The following ZNF398 variants were observed in gnomAD, a reference collection of about 807,000 sequenced individuals.
ZNF398 encodes zinc finger protein 398.
ZNF398 carries 18 observed loss-of-function variants against 41.9 expected under a neutral mutation model. The observed-to-expected ratio is 0.43, with a 90% CI of 0.30 to 0.64. The LOEUF (loss-of-function observed/expected upper bound fraction) is 0.64. Ranked by LOEUF, ZNF398 falls within the 30% of genes least tolerant of loss-of-function variation. The pLI, the probability that ZNF398 is intolerant of heterozygous loss-of-function variation, is 0.14. For missense variants in ZNF398, 669 were observed against 822.8 expected (o/e 0.81, Z 2.29); for synonymous variants, 260 against 308.8 (o/e 0.84, Z 1.66).
rs1204360454 is a variant in ZNF398 at position 149,183,024 on chromosome 7, T to TA, written c.*3241dup. Among the ~76,000 whole-genome samples, 96,113 of 125,334 alleles carry TA rather than the reference T, an allele frequency of 0.77. 37,775 individuals carry two copies. Among genetic ancestry groups the TA allele is most frequent in the East Asian group, 0.92 (3,875 of 4,216 alleles). 82.2% of individuals were successfully genotyped at this position (125,334 alleles called of 152,430 possible). A position where few individuals can be genotyped will look rare whatever the true frequency, so the allele number is the denominator to read the frequency against. ...CAGTCCACACAAGCCTCGTTGATAT[T>TA]AAAAAAAAAAAAAAAAAAGGACCTC... On this transcript the variant is annotated 3_prime_UTR_variant, in exon 6 of 6. Transcript: ENST00000475153.
Position 149,134,064 on chromosome 7 carries a change from CTTTT to C in ZNF398, c.-490+5134_-490+5137del, listed in dbSNP as rs143211105. Among the ~76,000 whole-genome samples the C allele has an allele frequency of 1.2e-3, 152 of 128,500 alleles. 1 individual carries two copies. Among genetic ancestry groups the C allele is most frequent in the Non-Finnish European group, 1.5e-3 (93 of 61,870 alleles). 84.3% of individuals were successfully genotyped at this position (128,500 alleles called of 152,430 possible). A position where few individuals can be genotyped will look rare whatever the true frequency, so the allele number is the denominator to read the frequency against. ...CCGTGCTTGGCCATGCTGTTTTTGT[CTTTT>C]TTTTTTTTTTTTTGAGACGGAGTTT... is the stretch of plus-strand genomic sequence containing the variant. On this transcript the variant is annotated intron_variant, in intron 2 of 6. Transcript: ENST00000426851.
At chr7:149,129,892 C>A (rs1826563490) in intron 2 of ZNF398, among the ~76,000 whole-genome samples, 1 of 151,862 alleles carries the variant, frequency 6.6e-6, no homozygotes, top group Non-Finnish European at 1.5e-5. Flanking sequence ...CCTCCGCCTC[C>A]CAGGTTCAAG....
intron 4 of ZNF398, among the ~76,000 whole-genome samples, chr7:149,172,546 T>C (rs963490373): frequency 2.6e-5 from 4 of 152,174 alleles, no homozygotes; most frequent in African/African-American, 9.7e-5. Context: ...GCTTCCTTTA[T>C]GTGAAAAGGT....
Position 149,154,259 on chromosome 7 carries a change from G to A in ZNF398, c.339G>A (p.Leu113=), listed in dbSNP as rs137902452. Reference sequence around the variant, plus strand: ...AGTACGGGCTGCTGCAGAGGCGGCTGGAGAACTTGGAGAACCTGCTGCGCA... The same window carrying A: ...AGTACGGGCTGCTGCAGAGGCGGCTAGAGAACTTGGAGAACCTGCTGCGCA... ...LQEYGLLQRR[L]ENLENLLRNR... Residue 113 remains leucine, a synonymous_variant, in exon 2 of 6, where the codon CTG becomes CTA. Coordinates refer to ENST00000475153, the MANE Select transcript of ZNF398 (RefSeq NM_170686.3). 124 of 1,614,140 alleles carry A rather than the reference G, an allele frequency of 7.7e-5. No homozygotes were observed. The African/African-American group carries it at 1.5e-3, about 19-fold the overall frequency.
intron 2 of ZNF398, among the ~76,000 whole-genome samples, chr7:149,164,134 G>A (rs747848877): frequency 1.3e-5 from 2 of 148,420 alleles, no homozygotes; most frequent in African/African-American, 5.0e-5. Context: ...AGGGCCGGGC[G>A]CAGTGGCTTG....
chr7:149,164,093 T>C (rs1314221522), intron 2 of ZNF398, among the ~76,000 whole-genome samples: 106 of 128,186 alleles, frequency 8.3e-4, no homozygotes, highest in Middle Eastern at 0.012. Context: ...GCCTGGGTGA[T>C]GGAGCAAGAC....
At chr7:149,162,199 T>G (rs1394383367) in intron 2 of ZNF398, among the ~76,000 whole-genome samples, 2 of 151,894 alleles carry the variant, frequency 1.3e-5, no homozygotes, top group Admixed American at 6.6e-5. Context: ...TTTTTTTTTT[T>G]GAGTCGGAGT....
chr7:149,169,470 T>C (rs1585535356), intron 4 of ZNF398, among the ~76,000 whole-genome samples: 2 of 152,226 alleles, frequency 1.3e-5, no homozygotes, highest in South Asian at 4.1e-4. Context: ...TCTGGCTCTA[T>C]TGCCCAGGCT....
intron 4 of ZNF398, among the ~76,000 whole-genome samples, chr7:149,173,370 G>T (rs929676692): frequency 1.3e-5 from 2 of 151,836 alleles, no homozygotes; most frequent in Non-Finnish European, 2.9e-5. Flanking sequence ...GCCTCCCAAA[G>T]TTCTGGGATT....
chr7:149,156,093 G>T (rs576784498), intron 2 of ZNF398, among the ~76,000 whole-genome samples: 89 of 152,194 alleles, frequency 5.8e-4, no homozygotes, highest in African/African-American at 2.0e-3. Context: ...AAGAACTGAA[G>T]AAGGGAGGAA....
intron 2 of ZNF398, among the ~76,000 whole-genome samples, chr7:149,133,707 A>ATG (rs1826652102): frequency 2.6e-5 from 2 of 76,144 alleles, no homozygotes; most frequent in Non-Finnish European, 5.1e-5. Flanking sequence ...ATATATATAC[A>ATG]CACATATATA....
chr7:149,157,492 G>T (rs1279442286), intron 2 of ZNF398, among the ~76,000 whole-genome samples: 1 of 146,976 alleles, frequency 6.8e-6, no homozygotes, highest in Admixed American at 6.9e-5. Context: ...CCAAGATGGC[G>T]CCACTGCACT....
At chr7:149,150,390 G>A (rs1212970122) in intron 1 of ZNF398, among the ~76,000 whole-genome samples, 1 of 152,076 alleles carries the variant, frequency 6.6e-6, no homozygotes, top group African/African-American at 2.4e-5. Flanking sequence ...CTTGAGCTGA[G>A]TAGTTTGAGA....
At chr7:149,137,787 C>T (rs1001537786) in intron 2 of ZNF398, among the ~76,000 whole-genome samples, 1 of 152,112 alleles carries the variant, frequency 6.6e-6, no homozygotes, top group African/African-American at 2.4e-5. Context: ...CATTTTTCTG[C>T]ATTTATGGGC....
chr7:149,138,046 A>C (rs1195692510), intron 2 of ZNF398, among the ~76,000 whole-genome samples: 3 of 151,770 alleles, frequency 2.0e-5, no homozygotes, highest in African/African-American at 7.3e-5. Flanking sequence ...CTAAAAATAC[A>C]AAAAATTAGT....
intron 2 of ZNF398, among the ~76,000 whole-genome samples, chr7:149,138,948 T>A (rs1391735255): frequency 6.9e-6 from 1 of 144,608 alleles, no homozygotes; most frequent in African/African-American, 2.6e-5. Flanking sequence ...AGTCTTGTTC[T>A]GTCACCAGGC....
At chr7:149,132,159 T>G (rs141210455) in intron 2 of ZNF398, among the ~76,000 whole-genome samples, 39 of 152,028 alleles carry the variant, frequency 2.6e-4, no homozygotes, top group East Asian at 7.7e-4. Flanking sequence ...TTATATCAAT[T>G]TATTACTCCA....
Position 149,181,841 on chromosome 7 carries a change from G to A in ZNF398, c.*2040G>A, listed in dbSNP as rs1308200938. ...CCATGGGAAAATTTAGGGGTGCTGG[G>A]AATCCCAAAGCCAAGGTTCTGGCTT... is the stretch of plus-strand genomic sequence containing the variant. On this transcript the variant is annotated 3_prime_UTR_variant, in exon 6 of 6. Transcript: ENST00000475153. 6.6e-6 allele frequency: 1 copy of A among 152,182 alleles called. No homozygotes were observed. Among genetic ancestry groups the A allele is most frequent in the East Asian group, 1.9e-4 (1 of 5,202 alleles). 9.4% of individuals were successfully genotyped at this position (152,182 alleles called of 1,614,324 possible). A position where few individuals can be genotyped will look rare whatever the true frequency, so the allele number is the denominator to read the frequency against.
At chr7:149,159,689 G>GT (rs1476559705) in intron 2 of ZNF398, among the ~76,000 whole-genome samples, 11 of 150,402 alleles carry the variant, frequency 7.3e-5, no homozygotes, top group Non-Finnish European at 1.3e-4. Flanking sequence ...TGAATGCCAA[G>GT]TTCCAGGTCC....
Sources: gnomAD v4.1 joint callset for allele counts (sites outside exome capture counted in the v4.1 genomes callset) on GRCh38, gnomAD v4.1.1 for gene constraint, MANE v1.5 for transcripts, NCBI Gene and HGNC (gene_info 2026-07-23, HGNC 2026-07-21) for gene names.